The following KCTD1 variants were observed in gnomAD, a reference collection of about 807,000 sequenced individuals.
KCTD1 encodes potassium channel tetramerization domain containing 1.
KCTD1 carries 24 observed loss-of-function variants against 66.0 expected under a neutral mutation model. The observed-to-expected ratio is 0.36, with a 90% CI of 0.26 to 0.51. The LOEUF (loss-of-function observed/expected upper bound fraction) is 0.51, where lower values mean the gene tolerates loss of function less well. Among genes scored for constraint, KCTD1 ranks in the 20% least tolerant of loss-of-function variants. The pLI is 0.95. For missense variants in KCTD1, 943 were observed against 1,205.2 expected (o/e 0.78, Z 3.22); for synonymous variants, 511 against 517.2 (o/e 0.99, Z 0.16).
At chr18:26,656,271 C>T (rs1988135982) in intron 1 of KCTD1, among the ~76,000 whole-genome samples, 2 of 152,078 alleles carry the variant, frequency 1.3e-5, no homozygotes, top group South Asian at 2.1e-4. Context: ...GCAGCAAAGC[C>T]ACAGCCATTA....
upstream of KCTD1, among the ~76,000 whole-genome samples, chr18:26,629,469 T>C (rs1450189805): frequency 6.6e-6 from 1 of 152,210 alleles, no homozygotes; most frequent in Non-Finnish European, 1.5e-5. Context: ...CAGACATTCA[T>C]GGATAAACAT....
chr18:26,502,771 G>T (rs779188906), intron 1 of KCTD1, among the ~76,000 whole-genome samples: 1 of 152,194 alleles, frequency 6.6e-6, no homozygotes, highest in Non-Finnish European at 1.5e-5. Flanking sequence ...TTTCAAACAT[G>T]CAAACAATGT....
intron 2 of KCTD1, among the ~76,000 whole-genome samples, chr18:26,491,043 G>T (rs924287466): frequency 6.6e-6 from 1 of 152,100 alleles, no homozygotes; most frequent in Non-Finnish European, 1.5e-5. Context: ...GTGAGCCACC[G>T]CACCTGGCCC....
chr18:26,520,583 T>G (rs1983863948), intron 1 of KCTD1, among the ~76,000 whole-genome samples: 1 of 152,144 alleles, frequency 6.6e-6, no homozygotes, highest in South Asian at 2.1e-4. Context: ...ATTTCTGAAG[T>G]GATGTGAAAG....
chr18:26,541,219 GAA>G (rs1984958267), intron 1 of KCTD1, among the ~76,000 whole-genome samples: 1 of 152,178 alleles, frequency 6.6e-6, no homozygotes, highest in South Asian at 2.1e-4. Context: ...CCTGCCTGGA[GAA>G]AGAGGAGCTG....
intron 2 of KCTD1, among the ~76,000 whole-genome samples, chr18:26,491,544 A>T (rs1289295625): frequency 3.3e-5 from 5 of 152,142 alleles, no homozygotes; most frequent in Non-Finnish European, 7.4e-5. Context: ...TAAGAACAAG[A>T]CCCATTTATC....
At chr18:26,596,711 GT>G (rs1467951963) in intron 1 of KCTD1, among the ~76,000 whole-genome samples, 24 of 152,194 alleles carry the variant, frequency 1.6e-4, no homozygotes, top group African/African-American at 5.8e-4. Flanking sequence ...AATTTACAAG[GT>G]TTTTGTGAAG....
chr18:26,480,020 G>T (rs1981552556), intron 2 of KCTD1, among the ~76,000 whole-genome samples: 1 of 147,216 alleles, frequency 6.8e-6, no homozygotes, highest in East Asian at 2.1e-4. Context: ...GGCTCCAGAC[G>T]ATGTATGGCT....
chr18:26,526,787 G>A (rs1424424372), intron 1 of KCTD1, among the ~76,000 whole-genome samples: 1 of 151,652 alleles, frequency 6.6e-6, no homozygotes, highest in Non-Finnish European at 1.5e-5. Context: ...GAGAACATGT[G>A]TGGATTAAAA....
intron 1 of KCTD1, among the ~76,000 whole-genome samples, chr18:26,517,463 C>T (rs1188735878): frequency 1.3e-5 from 2 of 152,072 alleles, no homozygotes; most frequent in African/African-American, 2.4e-5. Flanking sequence ...GGAGACCAGC[C>T]TGACCAACAT....
In KCTD1 at chr18:26,500,880, C is replaced by T. The variant is rs1349321707; in HGVS notation, c.1988+192G>A. Among the ~76,000 whole-genome samples, 4 of 152,170 alleles carry T rather than the reference C, an allele frequency of 2.6e-5. No individual in the cohort carries two copies. In the East Asian group the frequency reaches 5.8e-4, roughly 22 times the overall value. ...TTTTTACATGGACTCAACTAAGCTG[C>T]GGGTCCAATCCTGATTCGAAGATGT... On this transcript the variant is annotated intron_variant, in intron 2 of 4. Coordinates refer to ENST00000580059, the MANE Select transcript of KCTD1 (RefSeq NM_001142730.3).
chr18:26,493,051 C>T (rs183023267), intron 2 of KCTD1, among the ~76,000 whole-genome samples: 113 of 152,296 alleles, frequency 7.4e-4, no homozygotes, highest in Non-Finnish European at 1.5e-3. Context: ...GTCCACCCTG[C>T]GGCTGGGATG....
chr18:26,464,683 T>C (rs577068348), intron 3 of KCTD1, among the ~76,000 whole-genome samples: 1 of 152,238 alleles, frequency 6.6e-6, no homozygotes, highest in Non-Finnish European at 1.5e-5. Flanking sequence ...GAAGGCACCG[T>C]GAGCACAAAA....
At chr18:26,584,001 C>T (rs1413941502) in intron 1 of KCTD1, among the ~76,000 whole-genome samples, 1 of 152,200 alleles carries the variant, frequency 6.6e-6, no homozygotes, top group African/African-American at 2.4e-5. Flanking sequence ...GTCCACAGAT[C>T]AAGAAATAAA....
At chr18:26,562,085 C>T (rs566192146) in intron 1 of KCTD1, among the ~76,000 whole-genome samples, 26 of 152,272 alleles carry the variant, frequency 1.7e-4, no homozygotes, top group Middle Eastern at 3.4e-3. Flanking sequence ...CTTCGCCCTC[C>T]GCCCAGGTGC....
intron 1 of KCTD1, among the ~76,000 whole-genome samples, chr18:26,532,161 A>G (rs1392092549): frequency 2.6e-5 from 4 of 152,106 alleles, no homozygotes; most frequent in Admixed American, 2.6e-4. Context: ...ATAACCTAAC[A>G]AGTGAGAAGA....
upstream of KCTD1, among the ~76,000 whole-genome samples, chr18:26,632,085 C>T (rs560686935): frequency 3.4e-5 from 5 of 147,500 alleles, no homozygotes; most frequent in East Asian, 8.1e-4. Context: ...AAAACCATTT[C>T]ATTTAAAATC....
chr18:26,605,917 T>C (rs1987004975), intron 1 of KCTD1, among the ~76,000 whole-genome samples: 2 of 152,168 alleles, frequency 1.3e-5, no homozygotes, highest in Admixed American at 1.3e-4. Flanking sequence ...GACATGCCTG[T>C]GACACAGCCT....
intron 1 of KCTD1, among the ~76,000 whole-genome samples, chr18:26,562,558 G>A (rs981623871): frequency 1.3e-5 from 2 of 152,136 alleles, no homozygotes; most frequent in Non-Finnish European, 2.9e-5. Flanking sequence ...CACTGCACCC[G>A]GCCTCAAGAT....
Sources: allele counts gnomAD v4.1 joint callset (sites outside exome capture counted in the v4.1 genomes callset), GRCh38; gene constraint gnomAD v4.1.1; transcripts MANE v1.5; gene names NCBI Gene and HGNC (gene_info 2026-07-23, HGNC 2026-07-21).